The following TSPAN18 variants were observed in gnomAD, a reference collection of about 807,000 sequenced individuals.
TSPAN18 encodes the protein tetraspanin 18, also known as tetraspanin-18.
A neutral mutation model predicts 27.3 loss-of-function variants in TSPAN18; 14 were observed. The ratio of observed to expected loss-of-function variants is 0.51; its 90% confidence interval spans 0.34 to 0.80. The LOEUF (loss-of-function observed/expected upper bound fraction) is 0.80. Ranked by LOEUF, TSPAN18 falls within the 30% of genes least tolerant of loss-of-function variation. The probability of loss-of-function intolerance (pLI) is 0.01; values close to 1 mark genes in which losing one functional copy is unlikely to be tolerated. For missense variants in TSPAN18, 268 were observed against 323.9 expected, an observed-to-expected ratio of 0.83 and a Z score of 1.32; for synonymous variants, 143 against 136.5, an observed-to-expected ratio of 1.05 and a Z score of -0.33.
chr11:44,868,659 T>G (rs1054796399), intron 3 of TSPAN18, among the ~76,000 whole-genome samples: 2 of 152,138 alleles, frequency 1.3e-5, no homozygotes, highest in African/African-American at 2.4e-5. Context: ...GAGCTTCCAA[T>G]GAGCTCATCC....
At chr11:44,865,776 G>A (rs533795495) in intron 3 of TSPAN18, among the ~76,000 whole-genome samples, 1 of 152,300 alleles carries the variant, frequency 6.6e-6, no homozygotes, top group Admixed American at 6.5e-5. Context: ...CAGGCTAAAA[G>A]TCCTGAGGCT....
At chr11:44,813,018 A>G (rs1244467278) in intron 2 of TSPAN18, among the ~76,000 whole-genome samples, 2 of 152,058 alleles carry the variant, frequency 1.3e-5, no homozygotes, top group African/African-American at 2.4e-5. Context: ...GGGGCCACCC[A>G]TAACCCTCAC....
rs112640537 is a variant in TSPAN18, at chr11:44,871,903, A to T, written c.-11+11434A>T. ...TTTCTCCATGCACAGAGACAAAGCA[A>T]GAGAGGGAGCTCTGTAGTTTCTCTT... On this transcript the variant is annotated intron_variant, in intron 3 of 9. Coordinates refer to ENST00000520358, the MANE Select transcript of TSPAN18 (RefSeq NM_130783.5). 6.1e-3 allele frequency among the ~76,000 whole-genome samples: 935 copies of T among 152,198 alleles called. 8 individuals are homozygous for T. Among genetic ancestry groups the T allele is most frequent in the African/African-American group, 0.022 (898 of 41,530 alleles).
At chr11:44,793,982 G>A (rs755899533) in intron 2 of TSPAN18, among the ~76,000 whole-genome samples, 2 of 152,200 alleles carry the variant, frequency 1.3e-5, no homozygotes, top group Non-Finnish European at 1.5e-5. Flanking sequence ...GGAACAGGGG[G>A]GTGGGGGGAG....
At chr11:44,891,157 C>G (rs1465010381) in intron 3 of TSPAN18, among the ~76,000 whole-genome samples, 2 of 152,136 alleles carry the variant, frequency 1.3e-5, no homozygotes. Context: ...GGCAACAGGG[C>G]GAGACCCTGT....
chr11:44,914,064 T>C (rs1412421220), intron 5 of TSPAN18, among the ~76,000 whole-genome samples: 1 of 152,250 alleles, frequency 6.6e-6, no homozygotes, highest in East Asian at 1.9e-4. Context: ...GGCCTTGGGC[T>C]TGGGGAGGCC....
At chr11:44,734,379 C>T (rs1854737177) in intron 1 of TSPAN18, among the ~76,000 whole-genome samples, 1 of 152,230 alleles carries the variant, frequency 6.6e-6, no homozygotes, top group Non-Finnish European at 1.5e-5. Context: ...CTCCACTTAA[C>T]ACTTGTTCAT....
intron 3 of TSPAN18, among the ~76,000 whole-genome samples, chr11:44,892,396 G>A (rs1272012615): frequency 6.6e-6 from 1 of 152,222 alleles, no homozygotes; most frequent in Non-Finnish European, 1.5e-5. Flanking sequence ...GGCTGTTGGA[G>A]GTGGACGCTA....
intron 3 of TSPAN18, among the ~76,000 whole-genome samples, chr11:44,879,003 A>G (rs1243439942): frequency 6.6e-6 from 1 of 152,174 alleles, no homozygotes; most frequent in Non-Finnish European, 1.5e-5. Flanking sequence ...CAGCCACGCG[A>G]CCTGCGTAAT....
At chr11:44,882,189 G>A (rs765414805) in intron 3 of TSPAN18, among the ~76,000 whole-genome samples, 3 of 152,098 alleles carry the variant, frequency 2.0e-5, no homozygotes, top group Non-Finnish European at 4.4e-5. Context: ...TCCTAAAGCC[G>A]CCTCCCATTC....
At chr11:44,801,988 AG>A (rs1856490718) in intron 2 of TSPAN18, among the ~76,000 whole-genome samples, 1 of 152,090 alleles carries the variant, frequency 6.6e-6, no homozygotes, top group Non-Finnish European at 1.5e-5. Context: ...GCCATGGTCA[AG>A]TCACTGCACT....
intron 2 of TSPAN18, among the ~76,000 whole-genome samples, chr11:44,813,369 C>T (rs1856758756): frequency 6.6e-6 from 1 of 152,152 alleles, no homozygotes; most frequent in Non-Finnish European, 1.5e-5. Context: ...TCTTGGTTTC[C>T]AGAGGGGGAA....
In TSPAN18 at chr11:44,821,276, G is replaced by A. The variant is rs773781739; in HGVS notation, c.-152-39052G>A. ...AACTGAAGCACAGAGAGGGGATGTA[G>A]TCCTTTTTAAGGTCAAATAATTTTA... On this transcript the variant is annotated intron_variant, in intron 2 of 9. Coordinates refer to ENST00000520358, the MANE Select transcript of TSPAN18 (RefSeq NM_130783.5). 2.6e-5 allele frequency among the ~76,000 whole-genome samples: 4 copies of A among 152,310 alleles called. No individual in the cohort carries two copies. In the East Asian group the frequency reaches 7.7e-4, roughly 29 times the overall value.
intron 1 of TSPAN18, among the ~76,000 whole-genome samples, chr11:44,738,369 C>G (rs535584397): frequency 6.6e-4 from 101 of 152,268 alleles, no homozygotes; most frequent in African/African-American, 2.1e-3. Context: ...CTGGAGCCCC[C>G]CCGGCTGGAG....
intron 2 of TSPAN18, among the ~76,000 whole-genome samples, chr11:44,767,566 G>T (rs1855597537): frequency 6.6e-6 from 1 of 152,168 alleles, no homozygotes; most frequent in South Asian, 2.1e-4. Flanking sequence ...CTGCCCATAG[G>T]GCCTGAGGCA....
At chr11:44,880,726 C>T (rs966380786) in intron 3 of TSPAN18, among the ~76,000 whole-genome samples, 1 of 152,242 alleles carries the variant, frequency 6.6e-6, no homozygotes, top group Admixed American at 6.5e-5. Flanking sequence ...AGTGGTTGGA[C>T]TCAAGGACCT....
intron 1 of TSPAN18, among the ~76,000 whole-genome samples, chr11:44,752,210 C>T (rs1855227117): frequency 6.6e-6 from 1 of 152,206 alleles, no homozygotes; most frequent in Non-Finnish European, 1.5e-5. Context: ...ATAGCTAAAT[C>T]TCCAAAACAG....
intron 3 of TSPAN18, among the ~76,000 whole-genome samples, chr11:44,864,663 T>C (rs1404163234): frequency 1.3e-5 from 2 of 152,134 alleles, no homozygotes; most frequent in African/African-American, 2.4e-5. Flanking sequence ...CCTTATGGGG[T>C]GGATTGCCAA....
intron 7 of TSPAN18, chr11:44,919,546 G>A: frequency 1.6e-6 from 1 of 609,790 alleles, no homozygotes; most frequent in Non-Finnish European, 2.9e-6. Flanking sequence ...TGGTCATTAT[G>A]ATGATGATAA....
Sources: allele counts gnomAD v4.1 joint callset (sites outside exome capture counted in the v4.1 genomes callset), GRCh38; gene constraint gnomAD v4.1.1; transcripts MANE v1.5; gene names NCBI Gene and HGNC (gene_info 2026-07-23, HGNC 2026-07-21).